Variants in PPFIA1 observed in about 807,000 individuals in gnomAD.
PPFIA1 encodes liprin-alpha-1.
In PPFIA1, 25 loss-of-function variants were observed where a neutral mutation model predicts 149.9. The ratio of observed to expected loss-of-function variants is 0.17; its 90% confidence interval spans 0.12 to 0.23. The LOEUF (loss-of-function observed/expected upper bound fraction) is 0.23. Ranked by LOEUF, PPFIA1 falls within the 10% of genes least tolerant of loss-of-function variation. The pLI is 1.00. For missense variants in PPFIA1, 1,362 were observed against 1,506.5 expected, an observed-to-expected ratio of 0.90 and a Z score of 1.59; for synonymous variants, 549 against 552.8, an observed-to-expected ratio of 0.99 and a Z score of 0.10.
chr11:70,300,199 C>A (rs894534411), intron 2 of PPFIA1, among the ~76,000 whole-genome samples: 6 of 152,114 alleles, frequency 3.9e-5, no homozygotes, highest in African/African-American at 1.4e-4. Flanking sequence ...AGATGTCCCG[C>A]AGACTCCTCT....
At chr11:70,341,663 T>C (rs996332121) in intron 14 of PPFIA1, among the ~76,000 whole-genome samples, 2 of 152,068 alleles carry the variant, frequency 1.3e-5, no homozygotes, top group African/African-American at 4.8e-5. Flanking sequence ...TTAAGAAACA[T>C]GAGACAAGAT....
rs1276236156 is a variant in PPFIA1, at chr11:70,295,502, G to T, written c.264+23066G>T. ...TCCTGGACGGGGCGGCTGGCCGGGT[G>T]GGGGGGCTGACCCCCCCCACCTCCC... On this transcript the variant is annotated intron_variant, in intron 2 of 27. Transcript: ENST00000253925. Among the ~76,000 whole-genome samples, 11 of 121,564 alleles carry T rather than the reference G, an allele frequency of 9.0e-5. No homozygotes were observed. The South Asian group carries it at 1.6e-3, about 18-fold the overall frequency. The allele number at this position is 121,564 out of a possible 152,430, so 79.8% of individuals were successfully genotyped here.
Position 70,340,527 on chromosome 11 carries a change from G to T in PPFIA1, c.1707+1221G>T, listed in dbSNP as rs189924397. Among the ~76,000 whole-genome samples the T allele has an allele frequency of 9.9e-5, 15 of 152,242 alleles. No homozygotes were observed. The South Asian group carries it at 1.9e-3, about 19-fold the overall frequency. On this transcript the variant is annotated intron_variant, in intron 14 of 27. Coordinates refer to ENST00000253925, the MANE Select transcript of PPFIA1 (RefSeq NM_003626.5). ...TTTGAACGTTTACCTTCTTTCTTTG[G>T]TCTGTTCAGCAGCATTTGTTTCAAT... is the stretch of plus-strand genomic sequence containing the variant.
chr11:70,325,439 A>T (rs2054206019), intron 4 of PPFIA1, 61 bp from the exon 5 acceptor site: 1 of 1,117,666 alleles, frequency 8.9e-7, no homozygotes, highest in Non-Finnish European at 1.3e-6. Flanking sequence ...TTAACTATAT[A>T]TTAAGAATAA....
In PPFIA1 at chr11:70,271,519, AT is replaced by A. The variant is rs57257907; in HGVS notation, c.-1+615del. 4.7e-5 allele frequency among the ~76,000 whole-genome samples: 7 copies of A among 149,722 alleles called. No individual in the cohort carries two copies. The East Asian group carries it at 5.9e-4, about 13-fold the overall frequency. ...TCGACCTGCTATATTTCCATTGTGG[AT>A]TTTTTTTTTCGGTTGTAAACTTACG... On this transcript the variant is annotated intron_variant, in intron 1 of 27. Transcript: ENST00000253925.
At chr11:70,272,937 A>G (rs1012810593) in intron 2 of PPFIA1, among the ~76,000 whole-genome samples, 2 of 152,252 alleles carry the variant, frequency 1.3e-5, no homozygotes, top group African/African-American at 2.4e-5. Flanking sequence ...AGGGGATAGA[A>G]GACTCGAGAT....
chr11:70,335,516 T>A (rs751289762), intron 10 of PPFIA1, 47 bp from the exon 11 acceptor site: 1 of 1,600,316 alleles, frequency 6.2e-7, no homozygotes, highest in East Asian at 2.2e-5. Context: ...AAAATAATGA[T>A]CGAGGATTTA....
At position 70,272,160 on chromosome 11, in the gene PPFIA1, C is replaced by CT. The variant is rs2050133362; in HGVS notation, c.1-10dup. ...TGAGCTTAATTACTGTAGCCTGGGT[C>CT]TTTCATTTCAAGATGATGTGCGAGG... On this transcript the variant is annotated splice_polypyrimidine_tract_variant and intron_variant, in intron 1 of 27. Transcript: ENST00000253925. 1.2e-6 allele frequency: 2 copies of CT among 1,611,846 alleles called. No individual in the cohort carries two copies. Among genetic ancestry groups the CT allele is most frequent in the African/African-American group, 2.7e-5 (2 of 74,906 alleles).
intron 21 of PPFIA1, among the ~76,000 whole-genome samples, chr11:70,369,949 CTTT>C (rs36102876): frequency 6.9e-6 from 1 of 145,736 alleles, no homozygotes; most frequent in Non-Finnish European, 1.5e-5. Context: ...CTCTTTTACT[CTTT>C]TTTTTTTTTT....
chr11:70,340,392 A>G (rs535377156), intron 14 of PPFIA1, among the ~76,000 whole-genome samples: 30 of 152,344 alleles, frequency 2.0e-4, no homozygotes, highest in South Asian at 6.2e-4. Context: ...GGTGAGCTCT[A>G]TGATTGCACC....
At chr11:70,344,834 G>A (rs1466201533) in intron 15 of PPFIA1, among the ~76,000 whole-genome samples, 1 of 152,232 alleles carries the variant, frequency 6.6e-6, no homozygotes, top group Non-Finnish European at 1.5e-5. Flanking sequence ...GACTGTTGGT[G>A]TAGAACAAAT....
intron 1 of PPFIA1, chr11:70,271,909 C>T: frequency 2.7e-6 from 1 of 374,440 alleles, no homozygotes; most frequent in South Asian, 4.0e-5. Context: ...TACCCCAGGG[C>T]TTGCCCTTTT....
intron 2 of PPFIA1, among the ~76,000 whole-genome samples, chr11:70,321,079 A>T (rs1310066408): frequency 6.6e-6 from 1 of 152,112 alleles, no homozygotes; most frequent in African/African-American, 2.4e-5. Flanking sequence ...GTTTCACTGT[A>T]TTAGAAGGTA....
chr11:70,293,163 T>C (rs1367036182), intron 2 of PPFIA1, among the ~76,000 whole-genome samples: 2 of 152,242 alleles, frequency 1.3e-5, no homozygotes, highest in Non-Finnish European at 2.9e-5. Context: ...CTAAACGGGA[T>C]CTTTTAACGG....
At chr11:70,287,425 T>A (rs976925079) in intron 2 of PPFIA1, among the ~76,000 whole-genome samples, 5 of 152,124 alleles carry the variant, frequency 3.3e-5, no homozygotes, top group African/African-American at 1.2e-4. Context: ...CTTTCAGCGA[T>A]CCGGTTTTGC....
intron 7 of PPFIA1, among the ~76,000 whole-genome samples, chr11:70,329,252 T>G (rs1287075201): frequency 6.6e-6 from 1 of 152,132 alleles, no homozygotes; most frequent in Non-Finnish European, 1.5e-5. Context: ...TATTTAGATA[T>G]TTGAGTGTAT....
At chr11:70,286,575 A>G (rs1275992368) in intron 2 of PPFIA1, among the ~76,000 whole-genome samples, 2 of 151,484 alleles carry the variant, frequency 1.3e-5, no homozygotes, top group African/African-American at 4.9e-5. Context: ...CGCTAACCTT[A>G]TCCTTCTAGT....
At chr11:70,369,652 T>C (rs1415927346) in intron 21 of PPFIA1, among the ~76,000 whole-genome samples, 1 of 152,264 alleles carries the variant, frequency 6.6e-6, no homozygotes, top group Non-Finnish European at 1.5e-5. Context: ...CAGGTTCTAA[T>C]AGAGATACGT....
chr11:70,275,978 A>C (rs1004842363), intron 2 of PPFIA1, among the ~76,000 whole-genome samples: 1 of 152,148 alleles, frequency 6.6e-6, no homozygotes, highest in African/African-American at 2.4e-5. Flanking sequence ...AAAATGTAAA[A>C]ATTCTCCTCT....
Sources: allele counts gnomAD v4.1 joint callset (sites outside exome capture counted in the v4.1 genomes callset), GRCh38; gene constraint gnomAD v4.1.1; transcripts MANE v1.5; gene names NCBI Gene and HGNC (gene_info 2026-07-23, HGNC 2026-07-21).